The following SH3RF2 variants were observed in gnomAD, a reference collection of about 807,000 sequenced individuals.
SH3RF2 encodes the protein SH3 domain containing ring finger 2.
SH3RF2 carries 43 observed loss-of-function variants against 59.0 expected under a neutral mutation model. That is an observed-to-expected ratio of 0.73 (90% CI 0.57 to 0.94). The LOEUF (loss-of-function observed/expected upper bound fraction) is 0.94, where lower values mean the gene tolerates loss of function less well. Ranked by LOEUF, SH3RF2 falls within the 40% of genes least tolerant of loss-of-function variation. The probability of loss-of-function intolerance (pLI) is 0.00; values close to 1 mark genes in which losing one functional copy is unlikely to be tolerated. For synonymous variants in SH3RF2, 391 were observed against 391.5 expected, an observed-to-expected ratio of 1.00 and a Z score of 0.01; for missense variants, 930 against 940.1, an observed-to-expected ratio of 0.99 and a Z score of 0.14.
chr5:146,033,451 C>CTTTTT lies in SH3RF2; in HGVS notation c.1060-14289_1060-14285dup, dbSNP rs558717056. Among the ~76,000 whole-genome samples the CTTTTT allele has an allele frequency of 9.7e-5, 7 of 71,870 alleles. 2 individuals carry two copies. Among genetic ancestry groups the CTTTTT allele is most frequent in the Non-Finnish European group, 1.4e-4 (6 of 41,774 alleles). The allele number at this position is 71,870 out of a possible 152,430, so 47.1% of individuals were successfully genotyped here. A position where few individuals can be genotyped will look rare whatever the true frequency, so the allele number is the denominator to read the frequency against. On this transcript the variant is annotated intron_variant, in intron 5 of 9. Transcript: ENST00000359120. ...AAAATCTATGAGCACTAGCCCTTAG[C>CTTTTT]TTTTTTTTTTTTTTTTTTTTTTTTT...
intron 2 of SH3RF2, among the ~76,000 whole-genome samples, chr5:145,938,560 G>C (rs1268377231): frequency 6.6e-6 from 1 of 152,200 alleles, no homozygotes; most frequent in Non-Finnish European, 1.5e-5. Flanking sequence ...GAAAGTAGTA[G>C]AACAAGGAAA....
intron 2 of SH3RF2, among the ~76,000 whole-genome samples, chr5:145,944,607 T>C (rs1412864698): frequency 6.6e-6 from 1 of 152,186 alleles, no homozygotes; most frequent in Non-Finnish European, 1.5e-5. Flanking sequence ...AGTGCCAGGG[T>C]CAAACAAACC....
intron 2 of SH3RF2, among the ~76,000 whole-genome samples, chr5:145,985,948 G>A (rs2149972774): frequency 6.6e-6 from 1 of 152,108 alleles, no homozygotes; most frequent in East Asian, 1.9e-4. Context: ...AGGCTTCAGT[G>A]AGCAATGATT....
chr5:146,055,648 T>G (rs969121323), intron 7 of SH3RF2, among the ~76,000 whole-genome samples: 3 of 152,196 alleles, frequency 2.0e-5, no homozygotes, highest in Non-Finnish European at 2.9e-5. Context: ...GATCTTATGC[T>G]CTGAGCTTAA....
intron 8 of SH3RF2, 114 bp downstream of exon 8, chr5:146,056,327 T>C: frequency 6.8e-7 from 1 of 1,470,216 alleles, no homozygotes; most frequent in Non-Finnish European, 9.2e-7. Flanking sequence ...ACTAAGCCCC[T>C]GCAAAGGGTA....
At chr5:145,963,829 G>GTTTTTTTTTTT (rs111824139) in intron 2 of SH3RF2, among the ~76,000 whole-genome samples, 1 of 135,706 alleles carries the variant, frequency 7.4e-6, no homozygotes, top group Non-Finnish European at 1.6e-5. Context: ...TTTCTTTTTT[G>GTTTTTTTTTTT]TTTTTTTTTT....
chr5:145,988,155 C>T (rs1759789002), intron 2 of SH3RF2, among the ~76,000 whole-genome samples: 1 of 152,158 alleles, frequency 6.6e-6, no homozygotes, highest in Non-Finnish European at 1.5e-5. Flanking sequence ...TTACCAGAGA[C>T]TTGCTGTCCA....
intron 2 of SH3RF2, among the ~76,000 whole-genome samples, chr5:145,952,228 T>C (rs992450784): frequency 6.6e-6 from 1 of 152,194 alleles, no homozygotes; most frequent in African/African-American, 2.4e-5. Flanking sequence ...AATGGGGTTT[T>C]GTTGCCTAAA....
At position 146,026,717 on chromosome 5, in the gene SH3RF2, T is replaced by C. The variant is rs992081243; in HGVS notation, c.1059+12656T>C. 3.9e-5 allele frequency among the ~76,000 whole-genome samples: 6 copies of C among 152,222 alleles called. No individual in the cohort carries two copies. The East Asian group carries it at 1.2e-3, about 29-fold the overall frequency. On this transcript the variant is annotated intron_variant, in intron 5 of 9. Transcript: ENST00000359120. ...AGGCAGTATAGTAAGGAAATAAAAA[T>C]ATGGGCTTTGGGGTCAGCTAGATCT...
At chr5:145,990,213 G>A (rs559757598) in intron 2 of SH3RF2, among the ~76,000 whole-genome samples, 1 of 152,270 alleles carries the variant, frequency 6.6e-6, no homozygotes, top group South Asian at 2.1e-4. Flanking sequence ...TAGTTCTGCT[G>A]CCTTCTACAG....
intron 4 of SH3RF2, among the ~76,000 whole-genome samples, chr5:146,012,181 A>G (rs886425603): frequency 6.6e-6 from 1 of 152,188 alleles, no homozygotes. Flanking sequence ...GCTGGATTAC[A>G]TTTATTGATT....
At chr5:146,029,808 G>T (rs1761678592) in intron 5 of SH3RF2, among the ~76,000 whole-genome samples, 1 of 152,036 alleles carries the variant, frequency 6.6e-6, no homozygotes, top group South Asian at 2.1e-4. Flanking sequence ...ACAAAAGAAA[G>T]ATAAAGAGAA....
chr5:145,956,401 G>A (rs992764441), intron 2 of SH3RF2, among the ~76,000 whole-genome samples: 5 of 152,046 alleles, frequency 3.3e-5, no homozygotes, highest in African/African-American at 9.6e-5. Flanking sequence ...TCAGGCCTCC[G>A]AGTAGCTGGG....
chr5:146,057,593 C>A (rs557530973), intron 8 of SH3RF2, among the ~76,000 whole-genome samples: 95 of 152,250 alleles, frequency 6.2e-4, no homozygotes, highest in Non-Finnish European at 1.2e-3. Context: ...ATTGCTACTG[C>A]AATCAAGATC....
chr5:145,948,379 T>C (rs749776523), intron 2 of SH3RF2, among the ~76,000 whole-genome samples: 1 of 152,196 alleles, frequency 6.6e-6, no homozygotes, highest in African/African-American at 2.4e-5. Context: ...GCGGGGCACA[T>C]AAGTTGTTGG....
chr5:146,058,268 C>T (rs1292479225), intron 8 of SH3RF2, among the ~76,000 whole-genome samples: 15 of 152,122 alleles, frequency 9.9e-5, no homozygotes, highest in Admixed American at 9.8e-4. Flanking sequence ...GACATGTCTG[C>T]CTGGTGCTGC....
intron 8 of SH3RF2, among the ~76,000 whole-genome samples, chr5:146,058,994 T>C (rs1762779790): frequency 6.6e-6 from 1 of 152,126 alleles, no homozygotes; most frequent in Admixed American, 6.5e-5. Flanking sequence ...CTAACAGACA[T>C]GCGGCATTTA....
At chr5:146,013,124 G>T (rs1760971226) in intron 4 of SH3RF2, among the ~76,000 whole-genome samples, 2 of 152,108 alleles carry the variant, frequency 1.3e-5, no homozygotes, top group Non-Finnish European at 2.9e-5. Flanking sequence ...CTACATTCTG[G>T]CTCAAACACT....
chr5:146,016,383 G>GATGA (rs1383451018), intron 5 of SH3RF2, among the ~76,000 whole-genome samples: 3 of 151,868 alleles, frequency 2.0e-5, no homozygotes, highest in Admixed American at 6.6e-5. Context: ...TGGATGGATG[G>GATGA]ATGGATGGAT....
Sources: allele counts gnomAD v4.1 joint callset (sites outside exome capture counted in the v4.1 genomes callset), GRCh38; gene constraint gnomAD v4.1.1; transcripts MANE v1.5; gene names NCBI Gene and HGNC (gene_info 2026-07-23, HGNC 2026-07-21).